CCSER2: variants seen among roughly 807,000 people sequenced by gnomAD.
CCSER2 encodes the protein serine-rich coiled-coil domain-containing protein 2.
In CCSER2, 46 loss-of-function variants were observed where a neutral mutation model predicts 92.3. The ratio of observed to expected loss-of-function variants is 0.50; its 90% CI spans 0.39 to 0.64. The LOEUF (loss-of-function observed/expected upper bound fraction) is 0.64. Among genes scored for constraint, CCSER2 ranks in the 30% least tolerant of loss-of-function variants. CCSER2 has a pLI of 0.00. For missense variants in CCSER2, 1,244 were observed against 1,238.9 expected (o/e 1.00, Z -0.06); for synonymous variants, 433 against 431.4 (o/e 1.00, Z -0.04).
intron 8 of CCSER2, among the ~76,000 whole-genome samples, chr10:84,475,359 T>A (rs1847077638): frequency 6.6e-6 from 1 of 152,216 alleles, no homozygotes; most frequent in Non-Finnish European, 1.5e-5. Flanking sequence ...GTTAGTCATT[T>A]TATATATGTT....
chr10:84,417,345 A>T (rs561090430), intron 3 of CCSER2, among the ~76,000 whole-genome samples: 1 of 152,348 alleles, frequency 6.6e-6, no homozygotes, highest in East Asian at 1.9e-4. Context: ...GAAATGGAAT[A>T]ACCACATTGT....
Position 84,371,835 on chromosome 10 carries a change from T to C in CCSER2, c.783T>C (p.Ile261=). ...TKPYQNQQLS[I]RVPLRSSMLT... The stretch of plus-strand genomic sequence containing the variant: ...CTTATCAGAACCAACAGCTATCCAT[T>C]AGAGTGCCTCTACGGTCAAGTATGC... Residue 261 remains isoleucine, a synonymous_variant, in exon 2 of 10, where the codon ATT becomes ATC. Transcript: ENST00000372088. 6.2e-7 allele frequency: 1 copy of C among 1,613,972 alleles called. No individual in the cohort carries two copies. Among genetic ancestry groups the C allele is most frequent in the African/African-American group, 1.3e-5 (1 of 75,040 alleles).
At chr10:84,389,708 T>A (rs1226596050) in intron 3 of CCSER2, 1 of 160,676 alleles carries the variant, frequency 6.2e-6, no homozygotes, top group African/African-American at 2.4e-5. Flanking sequence ...AGCCAAAAAC[T>A]GAAGGCAGTA....
intron 9 of CCSER2, among the ~76,000 whole-genome samples, chr10:84,510,857 C>T (rs1184972721): frequency 6.6e-6 from 1 of 152,120 alleles, no homozygotes; most frequent in Non-Finnish European, 1.5e-5. Context: ...ATACCAGGAG[C>T]AAGTTGTTTC....
In CCSER2 at chr10:84,372,296, G is replaced by C; in HGVS notation, c.1244G>C (p.Ser415Thr). 1.2e-6 allele frequency: 2 copies of C among 1,612,992 alleles called. No homozygotes were observed. The highest frequency in any genetic ancestry group is 1.7e-6 in the Non-Finnish European group (2 of 1,179,226). The change falls in exon 2 of 10, where the codon AGT becomes ACT. Residue 415 changes from serine (S) to threonine (T), a missense_variant. Coordinates refer to ENST00000372088, the MANE Select transcript of CCSER2 (RefSeq NM_001284240.2). ...SDKNDLSEDFSDDFIDIEDSN... is the reference protein window; with the variant it reads ...SDKNDLSEDFTDDFIDIEDSN... ...AAGAATGATTTAAGTGAAGACTTTA[G>C]TGATGATTTTATAGATATAGAAGAC...
intron 6 of CCSER2, among the ~76,000 whole-genome samples, chr10:84,452,022 C>G (rs993747248): frequency 6.6e-6 from 1 of 152,070 alleles, no homozygotes; most frequent in Non-Finnish European, 1.5e-5. Context: ...CATCTATATA[C>G]CTTTGTATTT....
At chr10:84,461,545 G>C (rs549431837) in intron 6 of CCSER2, among the ~76,000 whole-genome samples, 7 of 151,864 alleles carry the variant, frequency 4.6e-5, no homozygotes, top group African/African-American at 1.7e-4. Flanking sequence ...CACTCTTTAA[G>C]TTTATTGTAT....
chr10:84,396,623 A>T (rs1365630487), intron 3 of CCSER2, among the ~76,000 whole-genome samples: 1 of 152,064 alleles, frequency 6.6e-6, no homozygotes, highest in African/African-American at 2.4e-5. Flanking sequence ...TCTTCTTTTT[A>T]AAAAAATATT....
intron 8 of CCSER2, among the ~76,000 whole-genome samples, chr10:84,474,662 CAAA>C (rs397844899): frequency 0.19 from 11,930 of 63,978 alleles, 368 homozygotes; most frequent in East Asian, 0.25. Context: ...GACTCCATCT[CAAA>C]AAAAAAAAAA....
At chr10:84,349,448 C>G (rs1386976674) in intron 1 of CCSER2, among the ~76,000 whole-genome samples, 4 of 151,812 alleles carry the variant, frequency 2.6e-5, no homozygotes, top group South Asian at 2.1e-4. Context: ...AGGAGGGTCA[C>G]TTGAGCTCCG....
At chr10:84,475,416 A>G (rs1349894223) in intron 8 of CCSER2, among the ~76,000 whole-genome samples, 1 of 152,216 alleles carries the variant, frequency 6.6e-6, no homozygotes, top group African/African-American at 2.4e-5. Flanking sequence ...GAAAACTCAT[A>G]TATTTGCCAA....
intron 1 of CCSER2, among the ~76,000 whole-genome samples, chr10:84,363,061 G>A (rs1290475214): frequency 2.7e-5 from 4 of 149,806 alleles, no homozygotes; most frequent in Admixed American, 6.7e-5. Context: ...TGGCCAGGCT[G>A]GTCTCAAACT....
intron 1 of CCSER2, among the ~76,000 whole-genome samples, chr10:84,365,116 T>TA (rs971435988): frequency 6.6e-5 from 10 of 151,478 alleles, no homozygotes; most frequent in Non-Finnish European, 1.2e-4. Flanking sequence ...TTGCAGAAAC[T>TA]AAAAAAAAAC....
chr10:84,366,459 T>A (rs1377938900), intron 1 of CCSER2, among the ~76,000 whole-genome samples: 2 of 152,210 alleles, frequency 1.3e-5, no homozygotes, highest in Non-Finnish European at 2.9e-5. Context: ...TCAGCAGGTT[T>A]ACTTTCCTGT....
rs1474333859 is a variant in CCSER2, at chr10:84,516,336, T to A, written c.*2069T>A. On this transcript the variant is annotated 3_prime_UTR_variant, in exon 10 of 10. Coordinates refer to ENST00000372088, the MANE Select transcript of CCSER2 (RefSeq NM_001284240.2). ...GGAGAAGCAGTGAAGTTCAGAACGT[T>A]CTTCACATAGTCCAGATACTGTTAG... 1 of 152,226 alleles carries A rather than the reference T, an allele frequency of 6.6e-6. No homozygotes were observed. The highest frequency in any genetic ancestry group is 6.5e-5 in the Admixed American group (1 of 15,276). 9.4% of individuals were successfully genotyped at this position (152,226 alleles called of 1,614,324 possible).
intron 6 of CCSER2, among the ~76,000 whole-genome samples, chr10:84,439,550 A>G (rs1451450207): frequency 6.6e-6 from 1 of 152,186 alleles, no homozygotes; most frequent in Non-Finnish European, 1.5e-5. Flanking sequence ...ATGCACACGA[A>G]AGGCTAGTTG....
At chr10:84,404,748 C>G (rs1842293609) in intron 3 of CCSER2, among the ~76,000 whole-genome samples, 1 of 152,196 alleles carries the variant, frequency 6.6e-6, no homozygotes, top group South Asian at 2.1e-4. Flanking sequence ...ATTCTTGTTT[C>G]TCTGTATCAT....
intron 3 of CCSER2, among the ~76,000 whole-genome samples, chr10:84,407,623 A>G (rs1314842488): frequency 2.0e-5 from 3 of 152,202 alleles, no homozygotes; most frequent in Non-Finnish European, 4.4e-5. Flanking sequence ...AATAGCAACA[A>G]AACTGGTTTT....
At chr10:84,409,414 A>G (rs1324500187) in intron 3 of CCSER2, among the ~76,000 whole-genome samples, 2 of 152,184 alleles carry the variant, frequency 1.3e-5, no homozygotes, top group African/African-American at 4.8e-5. Context: ...TGCTGAGAAT[A>G]CAGGCATTAG....
Sources: gnomAD v4.1 joint callset for allele counts (sites outside exome capture counted in the v4.1 genomes callset) on GRCh38, gnomAD v4.1.1 for gene constraint, MANE v1.5 for transcripts, NCBI Gene and HGNC (gene_info 2026-07-23, HGNC 2026-07-21) for gene names.